The following RNPS1 variants were observed in gnomAD, a reference collection of about 807,000 sequenced individuals.
RNPS1 encodes RNA binding protein with serine rich domain 1.
For missense variants in RNPS1, 300 were observed against 427.6 expected, an observed-to-expected ratio of 0.70 and a Z score of 2.63; for synonymous variants, 147 against 150.0, an observed-to-expected ratio of 0.98 and a Z score of 0.15.
chr16:2,254,113 A>G (rs2093565487), intron 7 of RNPS1, 50 bp from the exon 8 acceptor site: 1 of 1,307,222 alleles, frequency 7.6e-7, no homozygotes, highest in South Asian at 1.6e-5. Context: ...TGTAGGGGCA[A>G]GCTAGCTTCT....
chr16:2,261,458 A>G (rs1239050904), intron 6 of RNPS1, among the ~76,000 whole-genome samples: 3 of 152,246 alleles, frequency 2.0e-5, no homozygotes, highest in African/African-American at 7.2e-5. Context: ...AAGCAGCCAG[A>G]AAGATTACAA....
intron 3 of RNPS1, 71 bp from the exon 4 acceptor site, chr16:2,263,358 G>A (rs2093611394): frequency 9.4e-6 from 14 of 1,495,308 alleles, no homozygotes; most frequent in Non-Finnish European, 1.1e-5. Context: ...CTCCAATTCT[G>A]TTGTGCTCCC....
At chr16:2,260,081 G>A (rs1031093727) in intron 6 of RNPS1, among the ~76,000 whole-genome samples, 2 of 150,898 alleles carry the variant, frequency 1.3e-5, no homozygotes, top group East Asian at 3.9e-4. Context: ...AAAACTTGGA[G>A]CATATTTGTT....
At chr16:2,262,636 G>T in intron 5 of RNPS1, 104 bp downstream of exon 5, 1 of 1,097,050 alleles carries the variant, frequency 9.1e-7, no homozygotes. Context: ...CAAACCACAT[G>T]CCACCACCCC....
At position 2,267,570 on chromosome 16, in the gene RNPS1, C is replaced by T. The variant is rs182477621; in HGVS notation, c.-118+485G>A. ...TTAATGACTCCGAAGGGGGGATCGG[C>T]CGACCTTCCACCGCATCCCACAAAG... is the stretch of plus-strand genomic sequence containing the variant. On this transcript the variant is annotated intron_variant, in intron 1 of 7. Coordinates refer to ENST00000320225, the MANE Select transcript of RNPS1 (RefSeq NM_080594.4). 1.8e-4 allele frequency: 188 copies of T among 1,056,328 alleles called. No homozygotes were observed. The East Asian group carries it at 0.015, about 86-fold the overall frequency. 65.4% of individuals were successfully genotyped at this position (1,056,328 alleles called of 1,614,324 possible).
At chr16:2,262,876 C>T (rs1445428534) in intron 4 of RNPS1, 34 bp from the exon 5 acceptor site, 2 of 1,582,608 alleles carry the variant, frequency 1.3e-6, no homozygotes, top group Non-Finnish European at 1.7e-6. Context: ...GAAACAATTT[C>T]TGTCAAGTCA....
intron 1 of RNPS1, chr16:2,266,444 G>C (rs1253878687): frequency 2.3e-5 from 22 of 970,570 alleles, no homozygotes; most frequent in East Asian, 2.3e-4. Context: ...GCCTGGGTTT[G>C]ATTTGAGGTT....
intron 6 of RNPS1, among the ~76,000 whole-genome samples, chr16:2,259,641 G>A (rs1379282678): frequency 6.6e-6 from 1 of 152,232 alleles, no homozygotes; most frequent in Non-Finnish European, 1.5e-5. Flanking sequence ...TGTAATCCCA[G>A]CACTTTGGGA....
intron 6 of RNPS1, chr16:2,258,623 G>A (rs1409132094): frequency 6.6e-6 from 1 of 152,142 alleles, no homozygotes; most frequent in Non-Finnish European, 1.5e-5. Flanking sequence ...TACTTGGGGA[G>A]GCTGAAGCAG....
intron 6 of RNPS1, chr16:2,257,324 G>C (rs1437482399): frequency 6.6e-6 from 1 of 152,126 alleles, no homozygotes; most frequent in African/African-American, 2.4e-5. Context: ...ACTAACTCCG[G>C]CATGTGGCTA....
At chr16:2,263,398 C>G (rs2093611566) in intron 3 of RNPS1, 111 bp from the exon 4 acceptor site, 2 of 1,020,968 alleles carry the variant, frequency 2.0e-6, no homozygotes, top group Non-Finnish European at 2.9e-6. Flanking sequence ...TCGGGTGCCT[C>G]CAGGCCTCAC....
intron 3 of RNPS1, 178 bp downstream of exon 3, chr16:2,263,998 G>A: frequency 1.4e-6 from 1 of 718,288 alleles, no homozygotes; most frequent in Non-Finnish European, 2.2e-6. Flanking sequence ...CCAAAGTGCT[G>A]GGATTATAGG....
intron 6 of RNPS1, chr16:2,255,982 G>GTGCGAGGTGGCGGGCGCCTA (rs1739883489): frequency 9.1e-6 from 4 of 441,880 alleles, no homozygotes; most frequent in Non-Finnish European, 1.6e-5. Flanking sequence ...TAAATCAGCT[G>GTGCGAGGTGGCGGGCGCCTA]TGCGAGGTGG....
chr16:2,258,250 G>A (rs2093587322), intron 6 of RNPS1: 1 of 152,196 alleles, frequency 6.6e-6, no homozygotes, highest in Non-Finnish European at 1.5e-5. Flanking sequence ...AAAGCCAAAT[G>A]TATTCTATGT....
chr16:2,264,857 G>A, intron 1 of RNPS1, 97 bp from the exon 2 acceptor site: 1 of 1,010,350 alleles, frequency 9.9e-7, no homozygotes, highest in Non-Finnish European at 1.4e-6. Flanking sequence ...AGGCAGCAAG[G>A]GAGCACGGTA....
At position 2,267,423 on chromosome 16, in the gene RNPS1, G is replaced by A. The variant is rs2093629260; in HGVS notation, c.-118+632C>T. The A allele has an allele frequency of 3.1e-6, 3 of 976,498 alleles. No individual in the cohort carries two copies. The East Asian group carries it at 3.4e-4, about 111-fold the overall frequency. The allele number at this position is 976,498 out of a possible 1,614,324, so 60.5% of individuals were successfully genotyped here. A position where few individuals can be genotyped will look rare whatever the true frequency, so the allele number is the denominator to read the frequency against. ...TAACCTTCCCGTATCCGCCCCTCTG[G>A]GGTAACCCATCAAACTGAGCTCGGC... On this transcript the variant is annotated intron_variant, in intron 1 of 7. Transcript: ENST00000320225.
At chr16:2,267,998 C>T (rs1054807481) in intron 1 of RNPS1, 57 bp downstream of exon 1, 106 of 1,533,364 alleles carry the variant, frequency 6.9e-5, no homozygotes, top group Non-Finnish European at 9.0e-5. Context: ...GGCGTCCTGC[C>T]GGGCCTGCCG....
In RNPS1 at chr16:2,267,618, G is replaced by A. The variant is rs1261421295; in HGVS notation, c.-118+437C>T. On this transcript the variant is annotated intron_variant, in intron 1 of 7. Coordinates refer to ENST00000320225, the MANE Select transcript of RNPS1 (RefSeq NM_080594.4). ...AAGAAACTCCGCGCCCGCCGACACC[G>A]GCCCGACACGCCGACCTCGCCGCTA... The A allele has an allele frequency of 1.3e-5, 14 of 1,071,372 alleles. No individual in the cohort carries two copies. The Admixed American group carries it at 2.3e-4, about 18-fold the overall frequency. The allele number at this position is 1,071,372 out of a possible 1,614,324, so 66.4% of individuals were successfully genotyped here.
intron 2 of RNPS1, 33 bp downstream of exon 2, chr16:2,264,540 A>T (rs2093617153): frequency 1.2e-6 from 2 of 1,604,914 alleles, no homozygotes; most frequent in Non-Finnish European, 1.7e-6. Context: ...AGCACCCCCA[A>T]GTAGCACTAG....
Sources: gnomAD v4.1 joint callset for allele counts (sites outside exome capture counted in the v4.1 genomes callset) on GRCh38, gnomAD v4.1.1 for gene constraint, MANE v1.5 for transcripts, NCBI Gene and HGNC (gene_info 2026-07-23, HGNC 2026-07-21) for gene names.